The following STPG2 variants were observed in gnomAD, a reference collection of about 807,000 sequenced individuals.
The protein encoded by STPG2 is sperm tail PG-rich repeat containing 2.
Under a neutral mutation model 54.2 loss-of-function variants are expected in STPG2, and 56 were observed. The ratio of observed to expected loss-of-function variants is 1.03; its 90% CI spans 0.83 to 1.29. The LOEUF is 1.29. Among genes scored for constraint, STPG2 ranks in the 50% most tolerant of loss-of-function variants. The probability of loss-of-function intolerance (pLI) is 0.00; values close to 1 mark genes in which losing one functional copy is unlikely to be tolerated. For synonymous variants in STPG2, 200 were observed against 181.8 expected (o/e 1.10, Z -0.81); for missense variants, 596 against 544.9 (o/e 1.09, Z -0.93).
chr4:97,904,548 G>A (rs1016497047), intron 8 of STPG2, among the ~76,000 whole-genome samples: 4 of 152,224 alleles, frequency 2.6e-5, no homozygotes, highest in African/African-American at 9.6e-5. Context: ...GCAGTTTCCT[G>A]CCTCTCCTCC....
At chr4:97,963,710 A>G (rs892932150) in intron 7 of STPG2, among the ~76,000 whole-genome samples, 2 of 151,610 alleles carry the variant, frequency 1.3e-5, no homozygotes, top group African/African-American at 4.8e-5. Context: ...ACACACATAT[A>G]TATGTATTTG....
chr4:98,124,218 CATG>C (rs1739768939), intron 3 of STPG2, among the ~76,000 whole-genome samples: 1 of 152,246 alleles, frequency 6.6e-6, no homozygotes, highest in East Asian at 1.9e-4. Context: ...ATCCTGTCAT[CATG>C]ATGCTAGCCA....
At chr4:97,927,589 G>A (rs1239250466) in intron 8 of STPG2, among the ~76,000 whole-genome samples, 1 of 151,746 alleles carries the variant, frequency 6.6e-6, no homozygotes, top group Non-Finnish European at 1.5e-5. Context: ...AGATCTTTAT[G>A]CTTATATAGC....
intron 4 of STPG2, among the ~76,000 whole-genome samples, chr4:97,482,048 G>A (rs1275219109): frequency 6.6e-6 from 1 of 151,426 alleles, no homozygotes; most frequent in Non-Finnish European, 1.5e-5. Context: ...TTTATCATAA[G>A]TGTATTTAAA....
intron 5 of STPG2, among the ~76,000 whole-genome samples, chr4:98,069,074 T>G (rs2110105882): frequency 6.6e-6 from 1 of 152,164 alleles, no homozygotes; most frequent in Non-Finnish European, 1.5e-5. Context: ...ATTTTTACAT[T>G]TTTAAAAATG....
chr4:97,829,346 T>C (rs916901340), intron 9 of STPG2, among the ~76,000 whole-genome samples: 9 of 152,044 alleles, frequency 5.9e-5, no homozygotes, highest in Non-Finnish European at 1.2e-4. Context: ...AAAGGACATC[T>C]ACTCAGAGAC....
At chr4:98,142,402 T>G (rs2110175077) in intron 1 of STPG2, among the ~76,000 whole-genome samples, 1 of 152,288 alleles carries the variant, frequency 6.6e-6, no homozygotes, top group South Asian at 2.1e-4. Flanking sequence ...TGTATTTATT[T>G]TTGACTAAGT....
intron 9 of STPG2, among the ~76,000 whole-genome samples, chr4:97,757,245 T>C: frequency 6.6e-6 from 1 of 152,204 alleles, no homozygotes; most frequent in East Asian, 1.9e-4. Flanking sequence ...TCATCTGTTC[T>C]TTATAACCAA....
At chr4:97,824,274 T>A (rs1728183679) in intron 9 of STPG2, among the ~76,000 whole-genome samples, 1 of 152,154 alleles carries the variant, frequency 6.6e-6, no homozygotes, top group Non-Finnish European at 1.5e-5. Context: ...CAGGCAATGC[T>A]TTTCTCCCTT....
intron 8 of STPG2, among the ~76,000 whole-genome samples, chr4:97,937,234 T>C (rs1308988375): frequency 1.3e-5 from 2 of 152,034 alleles, no homozygotes; most frequent in Non-Finnish European, 2.9e-5. Context: ...CATCAGGCCA[T>C]TTATGTTCCT....
At chr4:97,897,265 T>C in intron 8 of STPG2, among the ~76,000 whole-genome samples, 1 of 151,910 alleles carries the variant, frequency 6.6e-6, no homozygotes, top group East Asian at 1.9e-4. Context: ...TGCATAGTAT[T>C]CCATGGTATA....
intron 8 of STPG2, among the ~76,000 whole-genome samples, chr4:97,891,640 T>A (rs987799260): frequency 6.6e-6 from 1 of 152,120 alleles, no homozygotes; most frequent in Non-Finnish European, 1.5e-5. Flanking sequence ...CAAAAATATA[T>A]CTTGCTCTTA....
Position 97,603,793 on chromosome 4 carries a change from A to G in STPG2, c.1321-44676T>C, listed in dbSNP as rs565992255. Among the ~76,000 whole-genome samples, 16 of 151,836 alleles carry G rather than the reference A, an allele frequency of 1.1e-4. No individual in the cohort carries two copies. The East Asian group carries it at 1.9e-3, about 18-fold the overall frequency. On this transcript the variant is annotated intron_variant, in intron 10 of 10. Coordinates refer to ENST00000295268, the MANE Select transcript of STPG2 (RefSeq NM_174952.3). ...AAGTACTTAGAATAGTAAAATTAATAGAGACAGAAAGTAGAATGGTGATTG... is the reference window on the plus strand; with the variant it reads ...AAGTACTTAGAATAGTAAAATTAATGGAGACAGAAAGTAGAATGGTGATTG...
chr4:97,904,371 C>A (rs1731313630), intron 8 of STPG2, among the ~76,000 whole-genome samples: 1 of 152,196 alleles, frequency 6.6e-6, no homozygotes, highest in African/African-American at 2.4e-5. Flanking sequence ...CCAGGTACTC[C>A]AACAGACCTG....
chr4:97,610,980 A>G lies in STPG2; in HGVS notation c.1321-51863T>C, dbSNP rs549089470. Among the ~76,000 whole-genome samples, 420 of 152,212 alleles carry G rather than the reference A, an allele frequency of 2.8e-3. 2 individuals carry two copies. Among genetic ancestry groups the G allele is most frequent in the Non-Finnish European group, 4.6e-3 (312 of 67,984 alleles). On this transcript the variant is annotated intron_variant, in intron 10 of 10. Coordinates refer to ENST00000295268, the MANE Select transcript of STPG2 (RefSeq NM_174952.3). ...TTCCATTCATAATATAATACTATTT[A>G]TAAGTATCCACTAAGATATTTTAAA... is the stretch of plus-strand genomic sequence containing the variant.
At chr4:97,690,070 C>T (rs1442075502) in intron 10 of STPG2, among the ~76,000 whole-genome samples, 1 of 152,154 alleles carries the variant, frequency 6.6e-6, no homozygotes, top group African/African-American at 2.4e-5. Context: ...AAAGCAGTTA[C>T]TGAAGCAATA....
chr4:97,910,056 C>T (rs1731619329), intron 8 of STPG2, among the ~76,000 whole-genome samples: 3 of 151,948 alleles, frequency 2.0e-5, no homozygotes, highest in Admixed American at 6.6e-5. Context: ...GTGACTATAC[C>T]CTCTCTGCTC....
chr4:97,952,349 A>T (rs1319214743), intron 7 of STPG2, among the ~76,000 whole-genome samples: 2 of 152,126 alleles, frequency 1.3e-5, no homozygotes, highest in Non-Finnish European at 1.5e-5. Context: ...ACAGCTGCAG[A>T]CTTTCCCTGC....
chr4:98,063,741 T>TA (rs1162860671), intron 5 of STPG2, among the ~76,000 whole-genome samples: 1 of 150,980 alleles, frequency 6.6e-6, no homozygotes, highest in African/African-American at 2.4e-5. Flanking sequence ...AAAATGACAA[T>TA]AAAAAAATGA....
Sources: allele counts gnomAD v4.1 joint callset (sites outside exome capture counted in the v4.1 genomes callset), GRCh38; gene constraint gnomAD v4.1.1; transcripts MANE v1.5; gene names NCBI Gene and HGNC (gene_info 2026-07-23, HGNC 2026-07-21).